Variants in ASIC2 observed in about 807,000 individuals in gnomAD.
ASIC2 encodes acid sensing ion channel subunit 2.
A neutral mutation model predicts 57.3 loss-of-function variants in ASIC2; 25 were observed. The observed-to-expected ratio is 0.44, with a 90% confidence interval of 0.32 to 0.61. The LOEUF (loss-of-function observed/expected upper bound fraction) is 0.61. ASIC2 is among the 20% of genes least tolerant of loss of function. The pLI, the probability that ASIC2 is intolerant of heterozygous loss-of-function variation, is 0.06. For missense variants in ASIC2, 641 were observed against 738.1 expected (o/e 0.87, Z 1.52); for synonymous variants, 319 against 307.5 (o/e 1.04, Z -0.39).
chr17:33,378,423 C>T (rs1909358566), intron 1 of ASIC2, among the ~76,000 whole-genome samples: 1 of 152,164 alleles, frequency 6.6e-6, no homozygotes, highest in Non-Finnish European at 1.5e-5. Flanking sequence ...GCTGCAGGCC[C>T]TCCCATGAAT....
At chr17:33,793,206 T>C (rs1218911692) in intron 1 of ASIC2, among the ~76,000 whole-genome samples, 2 of 152,240 alleles carry the variant, frequency 1.3e-5, no homozygotes. Flanking sequence ...GAAATATCTA[T>C]AGTAATTCAT....
At chr17:34,110,667 G>C (rs760947990) in intron 1 of ASIC2, among the ~76,000 whole-genome samples, 24 of 152,148 alleles carry the variant, frequency 1.6e-4, no homozygotes, top group Non-Finnish European at 1.8e-4. Flanking sequence ...CATCGGTTAG[G>C]AAGGCTTTGC....
intron 1 of ASIC2, among the ~76,000 whole-genome samples, chr17:33,853,884 A>G (rs907617668): frequency 5.3e-5 from 8 of 152,148 alleles, no homozygotes; most frequent in Admixed American, 3.9e-4. Context: ...TAGACGCTTA[A>G]CCTTGACACC....
At chr17:33,154,302 C>CT (rs1203938893) in intron 1 of ASIC2, among the ~76,000 whole-genome samples, 1 of 152,206 alleles carries the variant, frequency 6.6e-6, no homozygotes, top group African/African-American at 2.4e-5. Context: ...CCTGCCTCAG[C>CT]TTCTTGAGTA....
At chr17:33,862,726 G>A (rs1330174755) in intron 1 of ASIC2, among the ~76,000 whole-genome samples, 2 of 152,132 alleles carry the variant, frequency 1.3e-5, no homozygotes, top group African/African-American at 4.8e-5. Context: ...CCCTCCCCAT[G>A]CACCCATACA....
At chr17:33,327,090 G>GAGCC (rs1409429271) in intron 1 of ASIC2, among the ~76,000 whole-genome samples, 1 of 152,122 alleles carries the variant, frequency 6.6e-6, no homozygotes, top group Non-Finnish European at 1.5e-5. Context: ...ATTCAACAGG[G>GAGCC]AGCCTTCTCT....
At chr17:33,950,093 G>A (rs1217935419) in intron 1 of ASIC2, among the ~76,000 whole-genome samples, 2 of 152,222 alleles carry the variant, frequency 1.3e-5, no homozygotes, top group Non-Finnish European at 2.9e-5. Flanking sequence ...GGCTCTAAGA[G>A]GTTGAACCAT....
intron 1 of ASIC2, among the ~76,000 whole-genome samples, chr17:33,544,209 A>G (rs1915509938): frequency 6.6e-6 from 1 of 152,094 alleles, no homozygotes; most frequent in South Asian, 2.1e-4. Context: ...CGCCTGTGTC[A>G]CCAGTCTGTT....
chr17:33,845,438 G>A (rs967177566), intron 1 of ASIC2, among the ~76,000 whole-genome samples: 3 of 152,178 alleles, frequency 2.0e-5, no homozygotes, highest in Non-Finnish European at 2.9e-5. Context: ...TATGCAGTGG[G>A]TGGTAAGAGA....
chr17:34,097,262 C>T (rs1432176568), intron 1 of ASIC2, among the ~76,000 whole-genome samples: 2 of 151,964 alleles, frequency 1.3e-5, no homozygotes, highest in Non-Finnish European at 1.5e-5. Context: ...GGAGGGCATA[C>T]GTTCTTAAAA....
At chr17:33,818,904 G>A (rs551714151) in intron 1 of ASIC2, among the ~76,000 whole-genome samples, 1 of 152,338 alleles carries the variant, frequency 6.6e-6, no homozygotes, top group African/African-American at 2.4e-5. Context: ...TGCCTTCCAA[G>A]GCCCCATCTT....
At chr17:34,088,972 T>C (rs978309310) in intron 1 of ASIC2, among the ~76,000 whole-genome samples, 1 of 152,230 alleles carries the variant, frequency 6.6e-6, no homozygotes, top group Non-Finnish European at 1.5e-5. Flanking sequence ...GGGAACCTCC[T>C]GACCCCTTGC....
intron 1 of ASIC2, among the ~76,000 whole-genome samples, chr17:33,379,641 C>T (rs908422383): frequency 6.6e-6 from 1 of 152,212 alleles, no homozygotes; most frequent in African/African-American, 2.4e-5. Flanking sequence ...AATAGACCAG[C>T]TCCATTTTCT....
At position 33,291,886 on chromosome 17, in the gene ASIC2, G is replaced by A. The variant is rs776743406; in HGVS notation, c.230C>T (p.Thr77Met). The A allele has an allele frequency of 1.2e-6, 2 of 1,604,628 alleles. No homozygotes were observed. Among genetic ancestry groups the A allele is most frequent in the South Asian group, 1.1e-5 (1 of 90,846 alleles). ...HGLRHMCAGR[T>M]AAGGSFQRRA... ...CCGCTGGAAGGAGCCCCCAGCCGCC[G>A]TGCGCCCGGCACACATGTGCCGCAG... The change falls in exon 1 of 10, where the codon ACG (threonine) becomes ATG (methionine). Residue 77 changes from threonine (T) to methionine (M), a missense_variant. This residue lies in a region of ASIC2 where 382 missense variants were observed against 398.0 expected (regional missense o/e 0.96). Coordinates refer to ENST00000225823, the MANE Select transcript of ASIC2 (RefSeq NM_183377.2).
At chr17:33,367,131 C>T (rs1290060852) in intron 1 of ASIC2, among the ~76,000 whole-genome samples, 2 of 152,196 alleles carry the variant, frequency 1.3e-5, no homozygotes, top group African/African-American at 4.8e-5. Context: ...CTTTGTGACT[C>T]TGTTCCTTCC....
At chr17:34,101,991 T>G (rs1910882705) in intron 1 of ASIC2, among the ~76,000 whole-genome samples, 1 of 152,110 alleles carries the variant, frequency 6.6e-6, no homozygotes, top group Non-Finnish European at 1.5e-5. Flanking sequence ...CCTAAATGCA[T>G]AAACAATAAC....
chr17:33,896,429 T>G (rs944071028), intron 1 of ASIC2, among the ~76,000 whole-genome samples: 1 of 152,270 alleles, frequency 6.6e-6, no homozygotes, highest in African/African-American at 2.4e-5. Context: ...GTTCTGATTT[T>G]GCATATGCAG....
chr17:33,738,779 C>T (rs1299184820), intron 1 of ASIC2, among the ~76,000 whole-genome samples: 11 of 152,216 alleles, frequency 7.2e-5, no homozygotes, highest in Non-Finnish European at 1.2e-4. Context: ...TCTGGTTCTT[C>T]TGGGCTCTCC....
intron 1 of ASIC2, among the ~76,000 whole-genome samples, chr17:33,209,048 A>G (rs1262320099): frequency 6.6e-6 from 1 of 151,886 alleles, no homozygotes; most frequent in Non-Finnish European, 1.5e-5. Flanking sequence ...TGTCTTTATG[A>G]GTTGGTGGCA....
Sources: gnomAD v4.1 joint callset for allele counts (sites outside exome capture counted in the v4.1 genomes callset) on GRCh38, gnomAD v4.1.1 for gene constraint, gnomAD v4.1.1 regional missense constraint, MANE v1.5 for transcripts, NCBI Gene and HGNC (gene_info 2026-07-23, HGNC 2026-07-21) for gene names.